The following GLIS3 variants were observed in gnomAD, a reference collection of about 807,000 sequenced individuals.
GLIS3 encodes zinc finger protein GLIS3.
A neutral mutation model predicts 78.6 loss-of-function variants in GLIS3; 53 were observed. The observed-to-expected ratio is 0.67, with a 90% CI of 0.54 to 0.85. The LOEUF (loss-of-function observed/expected upper bound fraction) is 0.85, where lower values mean the gene tolerates loss of function less well. Among genes scored for constraint, GLIS3 ranks in the 40% least tolerant of loss-of-function variants. The probability of loss-of-function intolerance (pLI) is 0.00; values close to 1 mark genes in which losing one functional copy is unlikely to be tolerated. For missense variants in GLIS3, 1,703 were observed against 1,231.1 expected (o/e 1.38, Z -5.74); for synonymous variants, 684 against 509.9 (o/e 1.34, Z -4.60).
chr9:4,196,201 A>G (rs1818829591), intron 2 of GLIS3, among the ~76,000 whole-genome samples: 1 of 152,186 alleles, frequency 6.6e-6, no homozygotes, highest in Admixed American at 6.5e-5. Context: ...AGGATTGTAT[A>G]TGCACCAATC....
chr9:4,378,532 G>C, the GLIS3 span, among the ~76,000 whole-genome samples: 2 of 152,070 alleles, frequency 1.3e-5, no homozygotes, highest in Non-Finnish European at 2.9e-5. Flanking sequence ...ATCTGAAATT[G>C]AAATTTGACT....
chr9:3,863,977 C>G (rs1387393545), intron 8 of GLIS3, among the ~76,000 whole-genome samples: 1 of 152,012 alleles, frequency 6.6e-6, no homozygotes, highest in Non-Finnish European at 1.5e-5. Flanking sequence ...TCTGGAATAT[C>G]CTGACTGCAG....
intron 4 of GLIS3, among the ~76,000 whole-genome samples, chr9:3,955,079 G>A (rs1055014162): frequency 6.6e-6 from 1 of 152,216 alleles, no homozygotes; most frequent in East Asian, 1.9e-4. Context: ...AGGCTGGGGA[G>A]AGAGAGCATA....
chr9:4,052,663 G>A (rs1316654218), intron 4 of GLIS3, among the ~76,000 whole-genome samples: 1 of 152,136 alleles, frequency 6.6e-6, no homozygotes, highest in Non-Finnish European at 1.5e-5. Context: ...GCATGTATCA[G>A]AACTTTATTC....
intron 2 of GLIS3, among the ~76,000 whole-genome samples, chr9:4,219,952 T>A (rs775940321): frequency 6.6e-6 from 1 of 152,192 alleles, no homozygotes; most frequent in Non-Finnish European, 1.5e-5. Flanking sequence ...ACCACAGCTC[T>A]CTGTGGAAAT....
chr9:4,389,661 A>C, the GLIS3 span, among the ~76,000 whole-genome samples: 5 of 152,168 alleles, frequency 3.3e-5, no homozygotes, highest in Non-Finnish European at 7.3e-5. Flanking sequence ...CAAGACAATC[A>C]CATCACGTCA....
chr9:4,227,051 G>C (rs76570088), intron 2 of GLIS3, among the ~76,000 whole-genome samples: 1 of 152,102 alleles, frequency 6.6e-6, no homozygotes. Context: ...GGGAAGCCTG[G>C]TGCAGGGAGC....
chr9:4,328,774 C>G (rs1817639354), intron 2 of GLIS3, among the ~76,000 whole-genome samples: 1 of 152,162 alleles, frequency 6.6e-6, no homozygotes, highest in South Asian at 2.1e-4. Flanking sequence ...CTCTGCCATA[C>G]CAGGTGTTGC....
intron 2 of GLIS3, among the ~76,000 whole-genome samples, chr9:4,241,819 A>T (rs1170728413): frequency 3.3e-5 from 5 of 152,098 alleles, no homozygotes; most frequent in Non-Finnish European, 7.3e-5. Context: ...AGTAGGTGTG[A>T]TTACAGGCAC....
intron 3 of GLIS3, among the ~76,000 whole-genome samples, chr9:4,309,517 G>C (rs1008460614): frequency 1.3e-5 from 2 of 151,968 alleles, no homozygotes; most frequent in African/African-American, 4.8e-5. Context: ...TCATAAAATA[G>C]GCTGAAAAAA....
chr9:3,934,934 T>G (rs1356291816), intron 5 of GLIS3, among the ~76,000 whole-genome samples: 1 of 152,188 alleles, frequency 6.6e-6, no homozygotes, highest in Non-Finnish European at 1.5e-5. Context: ...CTATATATTT[T>G]GTTATTTTCC....
chr9:4,336,456 C>T (rs1817758874), intron 2 of GLIS3, among the ~76,000 whole-genome samples: 1 of 152,154 alleles, frequency 6.6e-6, no homozygotes, highest in Admixed American at 6.5e-5. Context: ...ATCATTGCTA[C>T]AGTTTCTGGT....
chr9:4,427,511 A>T, the GLIS3 span, among the ~76,000 whole-genome samples: 1 of 152,114 alleles, frequency 6.6e-6, no homozygotes, highest in Non-Finnish European at 1.5e-5. Flanking sequence ...CCAGATAACA[A>T]CTGGTCTGCA....
the GLIS3 span, among the ~76,000 whole-genome samples, chr9:4,481,350 G>A: frequency 3.3e-4 from 50 of 152,228 alleles, no homozygotes; most frequent in African/African-American, 1.2e-3. Flanking sequence ...CGGGTATGGT[G>A]GTGTGTGCCT....
intron 4 of GLIS3, chr9:4,054,341 T>C (rs912367637): frequency 1.0e-6 from 1 of 985,314 alleles, no homozygotes; most frequent in East Asian, 1.1e-4. Context: ...GACCTCCACC[T>C]TTCCAAGCTC....
intron 4 of GLIS3, among the ~76,000 whole-genome samples, chr9:4,107,385 C>CAA (rs1405541849): frequency 1.3e-5 from 2 of 152,096 alleles, no homozygotes; most frequent in Non-Finnish European, 2.9e-5. Flanking sequence ...TAAGAGAAGT[C>CAA]AAGCCTGTCA....
the GLIS3 span, among the ~76,000 whole-genome samples, chr9:4,462,683 G>A: frequency 7.3e-5 from 11 of 151,660 alleles, no homozygotes; most frequent in Non-Finnish European, 1.0e-4. Flanking sequence ...TGTGTTGTAT[G>A]TCTGTAGTCC....
chr9:4,294,020 C>T (rs1346293583), intron 1 of GLIS3, among the ~76,000 whole-genome samples: 3 of 152,144 alleles, frequency 2.0e-5, no homozygotes, highest in African/African-American at 4.8e-5. Context: ...TTCTACAAAC[C>T]GCCTTAGAGT....
chr9:4,407,550 G>C, the GLIS3 span, among the ~76,000 whole-genome samples: 7 of 152,240 alleles, frequency 4.6e-5, no homozygotes, highest in Admixed American at 1.3e-4. Flanking sequence ...GGGAGGCTGA[G>C]GCAGGAGAAT....
Sources: gnomAD v4.1 joint callset for allele counts (sites outside exome capture counted in the v4.1 genomes callset) on GRCh38, gnomAD v4.1.1 for gene constraint, MANE v1.5 for transcripts, NCBI Gene and HGNC (gene_info 2026-07-23, HGNC 2026-07-21) for gene names.